KLRG1: variants seen among roughly 807,000 people sequenced by gnomAD.
The protein encoded by KLRG1 is killer cell lectin-like receptor subfamily G member 1.
Under a neutral mutation model 21.8 loss-of-function variants are expected in KLRG1, and 16 were observed. That is an observed-to-expected ratio of 0.73 (90% CI 0.50 to 1.11). The LOEUF (loss-of-function observed/expected upper bound fraction) is 1.11. Among genes scored for constraint, KLRG1 ranks in the 50% most tolerant of loss-of-function variants. The probability of loss-of-function intolerance (pLI) is 0.00; values close to 1 mark genes in which losing one functional copy is unlikely to be tolerated. For missense variants in KLRG1, 173 were observed against 218.3 expected (o/e 0.79, Z 1.31); for synonymous variants, 69 against 75.9 (o/e 0.91, Z 0.47).
At chr12:9,117,839 GATC>G in the KLRG1 span, among the ~76,000 whole-genome samples, 265 of 152,182 alleles carry the variant, frequency 1.7e-3, no homozygotes, top group Middle Eastern at 0.01. Flanking sequence ...TCCAAAATAT[GATC>G]ATTTCAACAT....
intron 1 of KLRG1, among the ~76,000 whole-genome samples, chr12:8,954,924 C>CTT (rs61292510): frequency 6.8e-6 from 1 of 147,936 alleles, no homozygotes; most frequent in African/African-American, 2.5e-5. Flanking sequence ...TCTTTTTTTT[C>CTT]TTTTTTTTTT....
the KLRG1 span, among the ~76,000 whole-genome samples, chr12:9,059,790 C>T: frequency 6.6e-6 from 1 of 152,084 alleles, no homozygotes; most frequent in Non-Finnish European, 1.5e-5. Flanking sequence ...AGCTATCCTC[C>T]CACCTCAGCC....
chr12:9,070,460 G>A, the KLRG1 span: 1 of 1,466,478 alleles, frequency 6.8e-7, no homozygotes, highest in Non-Finnish European at 9.5e-7. Context: ...AAATAAAATA[G>A]GGCAGTCTGG....
chr12:8,978,650 TTC>T (rs1491489928), intron 1 of KLRG1, among the ~76,000 whole-genome samples: 3 of 123,214 alleles, frequency 2.4e-5, no homozygotes, highest in Non-Finnish European at 5.3e-5. Flanking sequence ...TTTTCTTTCT[TTC>T]TTTCTTTCTT....
the KLRG1 span, among the ~76,000 whole-genome samples, chr12:9,069,530 A>G: frequency 6.6e-6 from 1 of 152,350 alleles, no homozygotes; most frequent in Non-Finnish European, 1.5e-5. Flanking sequence ...GATTTTAGGA[A>G]TATTCATATC....
At chr12:9,087,214 A>T in the KLRG1 span, among the ~76,000 whole-genome samples, 1 of 142,258 alleles carries the variant, frequency 7.0e-6, no homozygotes, top group African/African-American at 2.7e-5. Flanking sequence ...CAATCTACAT[A>T]TTGAATGTAA....
rs779102360 is a variant in KLRG1, at chr12:9,009,714, T to C, written c.*177T>C. 3.5e-5 allele frequency: 50 copies of C among 1,423,720 alleles called. No individual in the cohort carries two copies. The East Asian group carries it at 8.1e-4, about 23-fold the overall frequency. The allele number at this position is 1,423,720 out of a possible 1,614,324, so 88.2% of individuals were successfully genotyped here. A position where few individuals can be genotyped will look rare whatever the true frequency, so the allele number is the denominator to read the frequency against. ...ATTGATGCCTAACTGATGGATTCTCTTTGAGACTATTTAGATATTATGTGA... is the reference window on the plus strand; with the variant it reads ...ATTGATGCCTAACTGATGGATTCTCCTTGAGACTATTTAGATATTATGTGA... On this transcript the variant is annotated 3_prime_UTR_variant, in exon 5 of 5. Transcript: ENST00000356986.
At chr12:9,089,930 T>C in the KLRG1 span, 4 of 1,612,550 alleles carry the variant, frequency 2.5e-6, no homozygotes, top group Non-Finnish European at 2.5e-6. Flanking sequence ...GATGACTGTG[T>C]CTTTCCTTCC....
chr12:9,073,329 GAGCA>G, the KLRG1 span, among the ~76,000 whole-genome samples: 1 of 151,466 alleles, frequency 6.6e-6, no homozygotes, highest in African/African-American at 2.4e-5. Flanking sequence ...TTGCAGCCAT[GAGCA>G]GAGTCATGCT....
chr12:8,951,035 A>T lies in KLRG1; in HGVS notation c.-156+799A>T, dbSNP rs76273104. 4.5e-3 allele frequency among the ~76,000 whole-genome samples: 268 copies of T among 59,128 alleles called. 1 individual carries two copies. The highest frequency in any genetic ancestry group is 6.7e-3 in the Non-Finnish European group (137 of 20,518). 38.8% of individuals were successfully genotyped at this position (59,128 alleles called of 152,430 possible). ...TATCTGGGTTGGATGTTGCCCCAAT[A>T]AAAAAAAAAATTAAATTTTTTTCTT... On this transcript the variant is annotated intron_variant, in intron 1 of 4. Coordinates refer to the KLRG1 transcript ENST00000539240.
chr12:8,953,931 A>G (rs376319411), intron 1 of KLRG1, among the ~76,000 whole-genome samples: 1 of 152,224 alleles, frequency 6.6e-6, no homozygotes, highest in African/African-American at 2.4e-5. Context: ...CTCTGAGGGG[A>G]GGGTGTGTTT....
chr12:9,197,695 T>C, the KLRG1 span, among the ~76,000 whole-genome samples: 1 of 91,416 alleles, frequency 1.1e-5, no homozygotes, highest in East Asian at 2.8e-4. Context: ...ATAATATATA[T>C]AATTATATAT....
In KLRG1 at chr12:8,992,329, C is replaced by G; in HGVS notation, c.187+19C>G. The G allele has an allele frequency of 6.8e-7, 1 of 1,476,858 alleles. No individual in the cohort carries two copies. The highest frequency in any genetic ancestry group is 9.3e-7 in the Non-Finnish European group (1 of 1,075,728). The allele number at this position is 1,476,858 out of a possible 1,614,324, so 91.5% of individuals were successfully genotyped here. On this transcript the variant is annotated intron_variant, in intron 2 of 4. Coordinates refer to ENST00000356986, the MANE Select transcript of KLRG1 (RefSeq NM_005810.4). ...TGCCAGGGTAAGTGCAAACTTAAAC[C>G]AAAATTAATCTTTCATTTTATATTA... is the stretch of plus-strand genomic sequence containing the variant.
chr12:9,182,028 C>G, the KLRG1 span: 1 of 1,613,860 alleles, frequency 6.2e-7, no homozygotes, highest in Non-Finnish European at 8.5e-7. Context: ...CCAACAACTT[C>G]TCCATCTGGT....
the KLRG1 span, among the ~76,000 whole-genome samples, chr12:9,186,113 T>G: frequency 3.7e-4 from 56 of 152,206 alleles, 1 homozygote; most frequent in East Asian, 0.01. Flanking sequence ...GCCAACATTC[T>G]TAAAGAAAAT....
the KLRG1 span, among the ~76,000 whole-genome samples, chr12:9,024,653 G>A: frequency 6.6e-6 from 1 of 152,148 alleles, no homozygotes; most frequent in African/African-American, 2.4e-5. Context: ...CTCCAGCGAT[G>A]TATAAATTTG....
chr12:8,988,308 T>C (rs760821159), upstream of KLRG1: 1 of 152,358 alleles, frequency 6.6e-6, no homozygotes, highest in East Asian at 1.9e-4. Flanking sequence ...ATCATTGCAC[T>C]CACCTTTGTA....
At chr12:9,048,406 CAAGAT>C in the KLRG1 span, among the ~76,000 whole-genome samples, 1 of 151,976 alleles carries the variant, frequency 6.6e-6, no homozygotes, top group African/African-American at 2.4e-5. Context: ...TAGAGAAATA[CAAGAT>C]AAGAAAAGTA....
chr12:9,124,675 C>T, the KLRG1 span, among the ~76,000 whole-genome samples: 2 of 152,222 alleles, frequency 1.3e-5, no homozygotes, highest in African/African-American at 4.8e-5. Context: ...AGACCCTCCC[C>T]TTCTCTCGAC....
Sources: allele counts gnomAD v4.1 joint callset (sites outside exome capture counted in the v4.1 genomes callset), GRCh38; gene constraint gnomAD v4.1.1; transcripts MANE v1.5; gene names NCBI Gene and HGNC (gene_info 2026-07-23, HGNC 2026-07-21).